The following DRC3 variants were observed in gnomAD, a reference collection of about 807,000 sequenced individuals.
DRC3 encodes the protein dynein regulatory complex subunit 3.
A neutral mutation model predicts 57.6 loss-of-function variants in DRC3; 45 were observed. That is an observed-to-expected ratio of 0.78 (90% confidence interval 0.62 to 1.00). The LOEUF is 1.00. Among genes scored for constraint, DRC3 ranks in the 50% least tolerant of loss-of-function variants. DRC3 has a pLI of 0.00. For synonymous variants in DRC3, 257 were observed against 272.3 expected (o/e 0.94, Z 0.55); for missense variants, 655 against 675.2 (o/e 0.97, Z 0.33).
At chr17:17,976,864 T>A (rs1210200749) in intron 2 of DRC3, among the ~76,000 whole-genome samples, 2 of 152,054 alleles carry the variant, frequency 1.3e-5, no homozygotes, top group Admixed American at 1.3e-4. Flanking sequence ...GTTTTCTGAT[T>A]CCCAGGTTCC....
rs762569885 is a variant in DRC3 at position 18,016,062 on chromosome 17, A to G, written c.1327-2A>G. Reference sequence around the variant, plus strand: ...TCTCATTGGATTCTTTTCACTCACCAGCTTTTTGTCGATAAAGATACGATT... The same window carrying G: ...TCTCATTGGATTCTTTTCACTCACCGGCTTTTTGTCGATAAAGATACGATT... On this transcript the variant is annotated splice_acceptor_variant, in intron 12 of 13. Transcript: ENST00000399187. LOFTEE classifies it high-confidence loss of function. 65 of 1,613,096 alleles carry G rather than the reference A, an allele frequency of 4.0e-5. No homozygotes were observed. The highest frequency in any genetic ancestry group is 5.5e-5 in the Non-Finnish European group (65 of 1,179,248).
intron 4 of DRC3, among the ~76,000 whole-genome samples, chr17:17,986,867 A>C (rs905686871): frequency 1.3e-5 from 2 of 152,226 alleles, no homozygotes; most frequent in Non-Finnish European, 2.9e-5. Flanking sequence ...GTGTTCCAGG[A>C]CAAGATAACA....
chr17:18,001,751 T>G (rs1305861044), intron 9 of DRC3, among the ~76,000 whole-genome samples: 1 of 152,094 alleles, frequency 6.6e-6, no homozygotes, highest in Non-Finnish European at 1.5e-5. Context: ...GGCAACATAG[T>G]AAGACCCCAT....
intron 3 of DRC3, among the ~76,000 whole-genome samples, chr17:17,980,497 G>A (rs1251091065): frequency 6.6e-6 from 1 of 151,364 alleles, no homozygotes; most frequent in Non-Finnish European, 1.5e-5. Context: ...GTTTCACCAT[G>A]TTGCCCAGGC....
In DRC3 at chr17:18,016,675, A is replaced by C; in HGVS notation, c.*4A>C. On this transcript the variant is annotated 3_prime_UTR_variant, in exon 14 of 14. Transcript: ENST00000399187. Reference sequence around the variant, plus strand: ...ATGTGGCGACATCCTAGACTAGATGAATGTCAGCCACAGGAGCTTCTTCAA... The same window carrying C: ...ATGTGGCGACATCCTAGACTAGATGCATGTCAGCCACAGGAGCTTCTTCAA... The C allele has an allele frequency of 1.3e-6, 2 of 1,590,390 alleles. No individual in the cohort carries two copies. Among genetic ancestry groups the C allele is most frequent in the Non-Finnish European group, 1.7e-6 (2 of 1,158,838 alleles).
In DRC3 at chr17:17,997,563, C is replaced by T. The variant is rs762842975; in HGVS notation, c.928C>T (p.Arg310Cys). The T allele has an allele frequency of 9.3e-6, 15 of 1,610,070 alleles. No homozygotes were observed. Among genetic ancestry groups the T allele is most frequent in the Admixed American group, 1.7e-5 (1 of 59,290 alleles). Residue 310 changes from arginine to cysteine, a missense_variant, in exon 9 of 14, where the codon CGT becomes TGT. Arg to Cys is a radical substitution (Grantham distance 180). Coordinates refer to ENST00000399187, the MANE Select transcript of DRC3 (RefSeq NM_031294.4). ...TELDTFSECV[R>C]EAIQENQEQG... ...GCTTGACACCTTCAGTGAATGTGTC[C>T]GTGAGGCCATCCAGGAAAACCAGGA...
intron 12 of DRC3, among the ~76,000 whole-genome samples, chr17:18,012,419 C>A (rs1258101555): frequency 6.6e-6 from 1 of 152,190 alleles, no homozygotes; most frequent in Non-Finnish European, 1.5e-5. Context: ...GTGGCTCATG[C>A]CTGTAATCCC....
chr17:18,011,204 G>C (rs182018225), intron 12 of DRC3: 11 of 223,900 alleles, frequency 4.9e-5, no homozygotes, highest in Non-Finnish European at 8.9e-5. Flanking sequence ...TAATCTGCCC[G>C]CCTCAGCCTC....
Position 18,004,498 on chromosome 17 carries a change from AG to A in DRC3, c.1131+6del. 6.2e-7 allele frequency: 1 copy of A among 1,609,390 alleles called. No individual in the cohort carries two copies. The highest frequency in any genetic ancestry group is 8.5e-7 in the Non-Finnish European group (1 of 1,178,066). On this transcript the variant is annotated splice_donor_5th_base_variant and intron_variant, in intron 10 of 13. Transcript: ENST00000399187. ...GCAGCTGGTGGAGCAGCTGGAGGTA[AG>A]GCTGGGCCCTGGGCACAAGTGCCAG...
intron 12 of DRC3, among the ~76,000 whole-genome samples, chr17:18,012,142 A>G (rs563135095): frequency 2.1e-4 from 32 of 152,352 alleles, no homozygotes; most frequent in African/African-American, 7.5e-4. Context: ...AGCCTGTTTA[A>G]AACAAACAAA....
intron 12 of DRC3, among the ~76,000 whole-genome samples, chr17:18,010,052 C>T (rs996034895): frequency 5.9e-5 from 9 of 152,168 alleles, no homozygotes; most frequent in African/African-American, 1.7e-4. Flanking sequence ...TATCCGGCTG[C>T]GAGGGCAGGG....
At chr17:17,990,338 G>A (rs1345965113) in intron 5 of DRC3, among the ~76,000 whole-genome samples, 1 of 152,244 alleles carries the variant, frequency 6.6e-6, no homozygotes, top group Non-Finnish European at 1.5e-5. Flanking sequence ...CAGACAGGCA[G>A]CATCCAAACC....
At chr17:18,009,192 T>C (rs1012633713) in intron 12 of DRC3, among the ~76,000 whole-genome samples, 4 of 152,150 alleles carry the variant, frequency 2.6e-5, no homozygotes, top group Admixed American at 6.6e-5. Flanking sequence ...GGTGGAAGGA[T>C]TGCTTCAGCC....
chr17:17,991,547 C>T (rs2043231623), intron 5 of DRC3, among the ~76,000 whole-genome samples: 1 of 151,994 alleles, frequency 6.6e-6, no homozygotes, highest in Non-Finnish European at 1.5e-5. Context: ...CCACCTGCCT[C>T]AGCCTCCCAT....
At chr17:18,014,870 G>A (rs2044299571) in intron 12 of DRC3, among the ~76,000 whole-genome samples, 1 of 152,158 alleles carries the variant, frequency 6.6e-6, no homozygotes, top group African/African-American at 2.4e-5. Context: ...TACACACATG[G>A]AAAGAACTTA....
rs775187446 is a variant in DRC3, at chr17:17,988,109, G to A, written c.444+11G>A. The A allele has an allele frequency of 2.6e-5, 42 of 1,610,866 alleles. No individual in the cohort carries two copies. Among genetic ancestry groups the A allele is most frequent in the Middle Eastern group, 1.6e-4 (1 of 6,074 alleles). Reference sequence around the variant, plus strand: ...GACAACATGATGAACGTGAGTGGCCGCCCAGCCCGCCCTCACGCACACCTG... The same window carrying A: ...GACAACATGATGAACGTGAGTGGCCACCCAGCCCGCCCTCACGCACACCTG... On this transcript the variant is annotated intron_variant, in intron 5 of 13. Transcript: ENST00000399187.
At chr17:17,988,910 A>T (rs551779538) in intron 5 of DRC3, among the ~76,000 whole-genome samples, 11 of 152,166 alleles carry the variant, frequency 7.2e-5, no homozygotes, top group African/African-American at 2.6e-4. Flanking sequence ...GAGCATCTAA[A>T]CCCAACCAAG....
chr17:17,974,855 T>A (rs79395145), intron 2 of DRC3, among the ~76,000 whole-genome samples: 2 of 152,342 alleles, frequency 1.3e-5, no homozygotes, highest in African/African-American at 4.8e-5. Flanking sequence ...TTAAAGTCCG[T>A]CTGTTTTATT....
chr17:18,013,063 C>T (rs1292554173), intron 12 of DRC3, among the ~76,000 whole-genome samples: 1 of 152,158 alleles, frequency 6.6e-6, no homozygotes, highest in Non-Finnish European at 1.5e-5. Context: ...TTCAGCATCA[C>T]TAGTTATCAG....
Sources: gnomAD v4.1 joint callset for allele counts (sites outside exome capture counted in the v4.1 genomes callset) on GRCh38, gnomAD v4.1.1 for gene constraint, MANE v1.5 for transcripts, NCBI Gene and HGNC (gene_info 2026-07-23, HGNC 2026-07-21) for gene names.